CDKL2: variants seen among roughly 807,000 people sequenced by gnomAD.
CDKL2 encodes the protein cyclin-dependent kinase-like 2.
CDKL2 carries 64 observed loss-of-function variants against 63.9 expected under a neutral mutation model. That is an observed-to-expected ratio of 1.00 (90% CI 0.82 to 1.23). The LOEUF (loss-of-function observed/expected upper bound fraction) is 1.23. Among genes scored for constraint, CDKL2 ranks in the 50% most tolerant of loss-of-function variants. The probability of loss-of-function intolerance (pLI) is 0.00; values close to 1 mark genes in which losing one functional copy is unlikely to be tolerated. For synonymous variants in CDKL2, 211 were observed against 229.2 expected (o/e 0.92, Z 0.72); for missense variants, 656 against 668.0 (o/e 0.98, Z 0.20).
chr4:75,601,520 G>A (rs916358837), intron 6 of CDKL2, among the ~76,000 whole-genome samples: 1 of 152,066 alleles, frequency 6.6e-6, no homozygotes, highest in East Asian at 1.9e-4. Context: ...GTTAAAGAGT[G>A]TAGATAAATT....
At chr4:75,609,977 G>A (rs940217837) in intron 3 of CDKL2, among the ~76,000 whole-genome samples, 1 of 151,842 alleles carries the variant, frequency 6.6e-6, no homozygotes, top group African/African-American at 2.4e-5. Context: ...ACCGAGGCGG[G>A]TGGATCACGA....
At chr4:75,619,641 T>A (rs567811027) in intron 2 of CDKL2, among the ~76,000 whole-genome samples, 1 of 146,086 alleles carries the variant, frequency 6.8e-6, no homozygotes, top group African/African-American at 2.5e-5. Context: ...TTCCTCTTGC[T>A]AAGGACCGAC....
chr4:75,604,425 C>A (rs1190343025), intron 5 of CDKL2, among the ~76,000 whole-genome samples: 1 of 152,136 alleles, frequency 6.6e-6, no homozygotes, highest in Non-Finnish European at 1.5e-5. Flanking sequence ...CTGTAAGAAA[C>A]TATTGTACTG....
At chr4:75,615,789 T>A (rs1045141858) in intron 2 of CDKL2, among the ~76,000 whole-genome samples, 1 of 152,092 alleles carries the variant, frequency 6.6e-6, no homozygotes, top group Non-Finnish European at 1.5e-5. Flanking sequence ...GGCCAGGAAT[T>A]TGAGACCAGC....
At position 75,596,915 on chromosome 4, in the gene CDKL2, C is replaced by T. The variant is rs1323375520; in HGVS notation, c.1322+20G>A. ...ATATGTCCTTAAACACTTTTTTGAT[C>T]TTATTTTACTAATTCATACCTGTAA... On this transcript the variant is annotated intron_variant, in intron 9 of 13. Coordinates refer to ENST00000307465, the MANE Select transcript of CDKL2 (RefSeq NM_001330724.2). 2.9e-5 allele frequency: 46 copies of T among 1,574,692 alleles called. No individual in the cohort carries two copies. Among genetic ancestry groups the T allele is most frequent in the Admixed American group, 2.2e-4 (12 of 53,668 alleles).
chr4:75,622,043 T>C (rs998190394), intron 2 of CDKL2, among the ~76,000 whole-genome samples: 1 of 152,148 alleles, frequency 6.6e-6, no homozygotes, highest in African/African-American at 2.4e-5. Flanking sequence ...TCTAAGATTT[T>C]TGCATGTAAA....
intron 3 of CDKL2, among the ~76,000 whole-genome samples, chr4:75,610,479 A>C (rs1283318987): frequency 6.6e-6 from 1 of 152,120 alleles, no homozygotes; most frequent in African/African-American, 2.4e-5. Context: ...TGGCCAGAGA[A>C]AGTACTATGA....
intron 1 of CDKL2, among the ~76,000 whole-genome samples, chr4:75,627,163 A>AT (rs536661934): frequency 4.0e-5 from 6 of 151,162 alleles, no homozygotes; most frequent in Admixed American, 3.9e-4. Flanking sequence ...AGATAGCACT[A>AT]TTGCACTCCA....
intron 2 of CDKL2, among the ~76,000 whole-genome samples, chr4:75,623,091 C>T (rs1031322101): frequency 6.6e-6 from 1 of 151,974 alleles, no homozygotes; most frequent in Non-Finnish European, 1.5e-5. Context: ...GCCTGGGCAA[C>T]ATGGAAAAAC....
At chr4:75,626,169 T>C (rs1411979703) in intron 1 of CDKL2, among the ~76,000 whole-genome samples, 152 bp from the exon 2 acceptor site, 1 of 152,256 alleles carries the variant, frequency 6.6e-6, no homozygotes, top group Non-Finnish European at 1.5e-5. Flanking sequence ...TGTTTCTACA[T>C]GTAAGCTATG....
intron 7 of CDKL2, among the ~76,000 whole-genome samples, chr4:75,599,212 A>G (rs1729069673): frequency 6.6e-6 from 1 of 152,234 alleles, no homozygotes; most frequent in Non-Finnish European, 1.5e-5. Flanking sequence ...AATTTAACAA[A>G]GGAAGAAAGA....
chr4:75,610,841 G>C (rs534822215), intron 3 of CDKL2, among the ~76,000 whole-genome samples: 13 of 152,144 alleles, frequency 8.5e-5, no homozygotes, highest in Admixed American at 5.9e-4. Context: ...ATGTATGTAT[G>C]TATGTATATA....
chr4:75,609,841 C>G (rs1317678987), intron 3 of CDKL2, among the ~76,000 whole-genome samples: 1 of 151,928 alleles, frequency 6.6e-6, no homozygotes, highest in East Asian at 1.9e-4. Context: ...AGGCTACCAA[C>G]TTTATTACCC....
At chr4:75,586,945 T>C (rs539585526) in intron 12 of CDKL2, among the ~76,000 whole-genome samples, 1 of 151,642 alleles carries the variant, frequency 6.6e-6, no homozygotes, top group African/African-American at 2.4e-5. Flanking sequence ...GAGAATAAAC[T>C]CAAAGTAAGT....
intron 12 of CDKL2, among the ~76,000 whole-genome samples, chr4:75,584,148 T>C (rs138323180): frequency 7.4e-4 from 112 of 152,366 alleles, no homozygotes; most frequent in African/African-American, 2.5e-3. Context: ...CTAATTAGGA[T>C]AGATTATCTT....
chr4:75,598,199 G>A lies in CDKL2; in HGVS notation c.898C>T (p.Leu300=). 2 of 1,463,834 alleles carry A rather than the reference G, an allele frequency of 1.4e-6. No homozygotes were observed. The highest frequency in any genetic ancestry group is 2.7e-5 in the South Asian group (2 of 74,190). 90.7% of individuals were successfully genotyped at this position (1,463,834 alleles called of 1,614,324 possible). A position where few individuals can be genotyped will look rare whatever the true frequency, so the allele number is the denominator to read the frequency against. ...DGFAERFSQE[L]QLKVQKDARN... ...GCATCTTTCTGTACTTTTAACTGTA[G>A]TTCTTGGGAAAACCTACATAAAAAT... The change falls in exon 8 of 14, where the codon CTA becomes TTA. Residue 300 remains leucine (L), a synonymous_variant. Coordinates refer to ENST00000307465, the MANE Select transcript of CDKL2 (RefSeq NM_001330724.2).
intron 4 of CDKL2, among the ~76,000 whole-genome samples, chr4:75,606,295 AC>A (rs1392635726): frequency 1.3e-5 from 2 of 151,840 alleles, no homozygotes; most frequent in Non-Finnish European, 2.9e-5. Context: ...GCTCACTGCA[AC>A]CTCTGCCTCC....
chr4:75,614,463 A>AT lies in CDKL2; in HGVS notation c.169-15dup. The AT allele has an allele frequency of 6.6e-7, 1 of 1,520,666 alleles. No homozygotes were observed. Among genetic ancestry groups the AT allele is most frequent in the Non-Finnish European group, 8.9e-7 (1 of 1,126,150 alleles). 94.2% of individuals were successfully genotyped at this position (1,520,666 alleles called of 1,614,324 possible). ...ATGCCTAAGTTGCTGTTATTAAAAA[A>AT]TGCAAAATAGCTGTTATTTAAAAAT... On this transcript the variant is annotated splice_polypyrimidine_tract_variant and intron_variant, in intron 2 of 13. Coordinates refer to ENST00000307465, the MANE Select transcript of CDKL2 (RefSeq NM_001330724.2).
chr4:75,616,246 A>G (rs1342332254), intron 2 of CDKL2, among the ~76,000 whole-genome samples: 4 of 151,836 alleles, frequency 2.6e-5, no homozygotes, highest in Non-Finnish European at 5.9e-5. Context: ...GTAGGCTGCA[A>G]TAAGCTATGA....
Sources: allele counts gnomAD v4.1 joint callset (sites outside exome capture counted in the v4.1 genomes callset), GRCh38; gene constraint gnomAD v4.1.1; transcripts MANE v1.5; gene names NCBI Gene and HGNC (gene_info 2026-07-23, HGNC 2026-07-21).